Variants in KIF26B observed in about 807,000 individuals in gnomAD.
The protein encoded by KIF26B is kinesin-like protein KIF26B.
In KIF26B, 63 loss-of-function variants were observed where a neutral mutation model predicts 151.2. The ratio of observed to expected loss-of-function variants is 0.42; its 90% CI spans 0.34 to 0.51. The LOEUF (loss-of-function observed/expected upper bound fraction) is 0.51. Among genes scored for constraint, KIF26B ranks in the 20% least tolerant of loss-of-function variants. KIF26B has a pLI of 0.07. For missense variants in KIF26B, 2,813 were observed against 2,913.6 expected (o/e 0.97, Z 0.79); for synonymous variants, 1,357 against 1,262.1 (o/e 1.08, Z -1.59).
At chr1:245,229,648 AT>A (rs1164123602) in intron 2 of KIF26B, among the ~76,000 whole-genome samples, 1 of 152,212 alleles carries the variant, frequency 6.6e-6, no homozygotes, top group Non-Finnish European at 1.5e-5. Context: ...GCCTCATCCT[AT>A]TCCTATAAGT....
chr1:245,395,050 T>C (rs558578051), intron 3 of KIF26B, among the ~76,000 whole-genome samples: 32 of 152,306 alleles, frequency 2.1e-4, no homozygotes, highest in African/African-American at 6.5e-4. Context: ...CAGGACCTAC[T>C]CCTTCTTAAA....
At chr1:245,697,966 A>C (rs1166960000) in intron 12 of KIF26B, 140 bp from the exon 13 acceptor site, 1 of 721,692 alleles carries the variant, frequency 1.4e-6, no homozygotes, top group East Asian at 2.8e-5. Flanking sequence ...GCTTGAGCCC[A>C]GGAATTCAAG....
At chr1:245,261,020 T>A (rs1304705707) in intron 2 of KIF26B, among the ~76,000 whole-genome samples, 1 of 148,896 alleles carries the variant, frequency 6.7e-6, no homozygotes, top group East Asian at 1.9e-4. Context: ...CCCTCCTTCC[T>A]TCCTCTCTGT....
chr1:245,254,090 G>T lies in KIF26B; in HGVS notation c.465+97407G>T, dbSNP rs572137158. Reference sequence around the variant, plus strand: ...CTCCCAAAGTGCTGGGATTACAGGCGTGAGCCACTGCACCCAGCTGAAGTG... The same window carrying T: ...CTCCCAAAGTGCTGGGATTACAGGCTTGAGCCACTGCACCCAGCTGAAGTG... On this transcript the variant is annotated intron_variant, in intron 2 of 14. Transcript: ENST00000407071. 2.0e-4 allele frequency among the ~76,000 whole-genome samples: 31 copies of T among 152,244 alleles called. 1 individual carries two copies. Among genetic ancestry groups the T allele is most frequent in the African/African-American group, 7.2e-4 (30 of 41,550 alleles).
chr1:245,578,594 C>A (rs1046122887), intron 5 of KIF26B, among the ~76,000 whole-genome samples: 6 of 152,192 alleles, frequency 3.9e-5, no homozygotes, highest in African/African-American at 1.4e-4. Context: ...AATGTAATTT[C>A]CAGGGATTTC....
At chr1:245,334,238 C>G (rs915174751) in intron 2 of KIF26B, among the ~76,000 whole-genome samples, 4 of 152,166 alleles carry the variant, frequency 2.6e-5, no homozygotes, top group Non-Finnish European at 5.9e-5. Flanking sequence ...AAAATCTACA[C>G]TGACATGTTT....
intron 4 of KIF26B, among the ~76,000 whole-genome samples, chr1:245,534,378 G>A (rs1173973297): frequency 6.6e-6 from 1 of 152,084 alleles, no homozygotes; most frequent in Non-Finnish European, 1.5e-5. Context: ...AGCCAGGCTG[G>A]TCTTGAACTC....
chr1:245,648,345 A>G (rs1380805142), intron 10 of KIF26B, among the ~76,000 whole-genome samples: 1 of 152,186 alleles, frequency 6.6e-6, no homozygotes, highest in Non-Finnish European at 1.5e-5. Flanking sequence ...ATGAGTAGGG[A>G]AACATTAAAA....
At chr1:245,448,102 C>T (rs1397158074) in intron 4 of KIF26B, among the ~76,000 whole-genome samples, 2 of 152,276 alleles carry the variant, frequency 1.3e-5, no homozygotes, top group African/African-American at 4.8e-5. Context: ...AAGCACTATC[C>T]ATTAGTAATG....
At position 245,685,889 on chromosome 1, in the gene KIF26B, C is replaced by G. The variant is rs148590058; in HGVS notation, c.2906C>G (p.Ala969Gly). Residue 969 changes from alanine (A) to glycine (G), a missense_variant, in exon 12 of 15, where the codon GCG becomes GGG. Transcript: ENST00000407071. ...ASRGPRLSQAAGASPLSESDK... is the reference protein window; with the variant it reads ...ASRGPRLSQAGGASPLSESDK... ...AGAGGCCCCCGGTTAAGCCAAGCAG[C>G]GGGGGCAAGCCCACTCTCTGAGTCT... 12 of 1,612,586 alleles carry G rather than the reference C, an allele frequency of 7.4e-6. No homozygotes were observed. The African/African-American group carries it at 1.5e-4, about 20-fold the overall frequency.
At chr1:245,256,326 A>C (rs1397655452) in intron 2 of KIF26B, among the ~76,000 whole-genome samples, 1 of 152,228 alleles carries the variant, frequency 6.6e-6, no homozygotes, top group Non-Finnish European at 1.5e-5. Flanking sequence ...GCTGCAAACA[A>C]GAAGCTGATG....
At chr1:245,608,334 G>A (rs78021306) in intron 7 of KIF26B, among the ~76,000 whole-genome samples, 2,383 of 152,214 alleles carry the variant, frequency 0.016, 44 homozygotes, top group Middle Eastern at 0.031. Context: ...GCCCTTACAC[G>A]CTTGATATGT....
intron 4 of KIF26B, among the ~76,000 whole-genome samples, chr1:245,538,295 C>G (rs879385860): frequency 6.6e-6 from 1 of 152,146 alleles, no homozygotes; most frequent in East Asian, 1.9e-4. Flanking sequence ...CTGAGTTTTG[C>G]GGCCAAGATG....
chr1:245,230,755 G>A (rs537261619), intron 2 of KIF26B, among the ~76,000 whole-genome samples: 150 of 149,170 alleles, frequency 1.0e-3, no homozygotes, highest in East Asian at 8.8e-3. Context: ...AAAAAAAAAA[G>A]AAAAGAAAGA....
At position 245,172,222 on chromosome 1, in the gene KIF26B, G is replaced by C. The variant is rs576035395; in HGVS notation, c.465+15539G>C. Among the ~76,000 whole-genome samples the C allele has an allele frequency of 6.8e-4, 103 of 152,250 alleles. 1 individual carries two copies. The highest frequency in any genetic ancestry group is 6.4e-3 in the South Asian group (31 of 4,822). ...CAAGTCCCTCCCAGTCTGGTGGGGG[G>C]GGTGGGTACAGAAGCCACGTGGTAA... On this transcript the variant is annotated intron_variant, in intron 2 of 14. Coordinates refer to ENST00000407071, the MANE Select transcript of KIF26B (RefSeq NM_018012.4).
At chr1:245,465,071 C>A (rs1462917558) in intron 4 of KIF26B, among the ~76,000 whole-genome samples, 1 of 147,150 alleles carries the variant, frequency 6.8e-6, no homozygotes, top group Non-Finnish European at 1.5e-5. Context: ...CTCCGCCTCC[C>A]GGGTTCACGC....
chr1:245,305,702 G>C (rs1033136528), intron 2 of KIF26B, among the ~76,000 whole-genome samples: 4 of 152,140 alleles, frequency 2.6e-5, no homozygotes, highest in African/African-American at 9.7e-5. Context: ...ACTTTGGGAG[G>C]CCGAGGCAGG....
intron 2 of KIF26B, among the ~76,000 whole-genome samples, chr1:245,347,091 A>G (rs1208188987): frequency 6.6e-6 from 1 of 152,172 alleles, no homozygotes; most frequent in African/African-American, 2.4e-5. Context: ...GGAACAGAAC[A>G]CAGCCGTGGT....
At chr1:245,514,285 G>T (rs1019334137) in intron 4 of KIF26B, among the ~76,000 whole-genome samples, 1 of 152,148 alleles carries the variant, frequency 6.6e-6, no homozygotes, top group Non-Finnish European at 1.5e-5. Flanking sequence ...CCAGCACTTT[G>T]GGAGTCCGAG....
Sources: allele counts gnomAD v4.1 joint callset (sites outside exome capture counted in the v4.1 genomes callset), GRCh38; gene constraint gnomAD v4.1.1; transcripts MANE v1.5; gene names NCBI Gene and HGNC (gene_info 2026-07-23, HGNC 2026-07-21).